Variants in TCF4 observed in about 807,000 individuals in gnomAD.
TCF4 encodes transcription factor 4.
Under a neutral mutation model 82.1 loss-of-function variants are expected in TCF4, and 3 were observed. The ratio of observed to expected loss-of-function variants is 0.04; its 90% CI spans 0.02 to 0.09. The LOEUF (loss-of-function observed/expected upper bound fraction) is 0.09, where lower values mean the gene tolerates loss of function less well. TCF4 is among the 10% of genes least tolerant of loss of function. The pLI is 1.00. For synonymous variants in TCF4, 276 were observed against 309.6 expected, an observed-to-expected ratio of 0.89 and a Z score of 1.14; for missense variants, 518 against 852.7, an observed-to-expected ratio of 0.61 and a Z score of 4.89.
chr18:55,232,567 C>T lies in TCF4; in HGVS notation c.1591G>A (p.Asp531Asn), dbSNP rs374942035. Residue 531 changes from aspartate to asparagine, a missense_variant, in exon 17 of 20, where the codon GAC becomes AAC. Transcript: ENST00000354452. ...ENLQDTKSSE[D>N]KKLDDDKKDI... ...TTCTTGTCGTCATCTAATTTCTTGTCCTCCGAAGATTTCGTGTCTTGCAGG... is the reference window on the plus strand; with the variant it reads ...TTCTTGTCGTCATCTAATTTCTTGTTCTCCGAAGATTTCGTGTCTTGCAGG... 1 of 1,614,188 alleles carries T rather than the reference C, an allele frequency of 6.2e-7. No individual in the cohort carries two copies. The highest frequency in any genetic ancestry group is 8.5e-7 in the Non-Finnish European group (1 of 1,180,036).
rs1308490955 is a variant in TCF4, at chr18:55,223,807, A to C, written c.*4228T>G. 1 of 152,234 alleles carries C rather than the reference A, an allele frequency of 6.6e-6. No individual in the cohort carries two copies. Among genetic ancestry groups the C allele is most frequent in the African/African-American group, 2.4e-5 (1 of 41,406 alleles). 9.4% of individuals were successfully genotyped at this position (152,234 alleles called of 1,614,324 possible). ...GCTGCGACCTACAACTAAAAACAAA[A>C]ACAAAAACAAAAACAAAACAAAAAA... On this transcript the variant is annotated 3_prime_UTR_variant, in exon 20 of 20. Transcript: ENST00000354452.
At chr18:55,478,152 T>G (rs1349447160) in intron 3 of TCF4, among the ~76,000 whole-genome samples, 1 of 152,186 alleles carries the variant, frequency 6.6e-6, no homozygotes, top group Non-Finnish European at 1.5e-5. Flanking sequence ...GAATAATGAT[T>G]TATCTGATGA....
intron 3 of TCF4, among the ~76,000 whole-genome samples, chr18:55,496,666 C>T (rs1261861808): frequency 6.6e-6 from 1 of 151,974 alleles, no homozygotes. Context: ...CTGCATGATG[C>T]CATAAATCTT....
intron 3 of TCF4, among the ~76,000 whole-genome samples, chr18:55,501,098 T>C (rs996744988): frequency 2.6e-5 from 4 of 152,214 alleles, no homozygotes; most frequent in African/African-American, 7.2e-5. Flanking sequence ...TTATATTTCA[T>C]TTATCCCTAG....
intron 5 of TCF4, among the ~76,000 whole-genome samples, chr18:55,444,847 T>C (rs1387059189): frequency 6.6e-6 from 1 of 152,216 alleles, no homozygotes. Flanking sequence ...CTTCTCCTCA[T>C]ATATTCTACA....
At chr18:55,418,004 T>TGC (rs1491377263) in intron 5 of TCF4, among the ~76,000 whole-genome samples, 2 of 17,936 alleles carry the variant, frequency 1.1e-4, no homozygotes, top group Non-Finnish European at 1.8e-4. Flanking sequence ...CTTGAGCAAA[T>TGC]GTGTGTGTGT....
Position 55,350,510 on chromosome 18 carries a change from T to C in TCF4, c.500-102A>G, listed in dbSNP as rs2082113438. The C allele has an allele frequency of 7.5e-6, 9 of 1,207,982 alleles. No homozygotes were observed. In the Admixed American group the frequency reaches 1.2e-4, roughly 17 times the overall value. 74.8% of individuals were successfully genotyped at this position (1,207,982 alleles called of 1,614,324 possible). ...CTAGATGATACCACATTTCCTTAAATCATTACCTTAGCAAACTGTAGTTAC... is the reference window on the plus strand; with the variant it reads ...CTAGATGATACCACATTTCCTTAAACCATTACCTTAGCAAACTGTAGTTAC... On this transcript the variant is annotated intron_variant, in intron 7 of 19. Coordinates refer to ENST00000354452, the MANE Select transcript of TCF4 (RefSeq NM_001083962.2).
At chr18:55,314,014 A>T (rs2073385343) in intron 8 of TCF4, among the ~76,000 whole-genome samples, 1 of 152,158 alleles carries the variant, frequency 6.6e-6, no homozygotes. Flanking sequence ...GTATGAAAAA[A>T]GTTGACACCA....
intron 6 of TCF4, among the ~76,000 whole-genome samples, chr18:55,381,148 G>A (rs571549085): frequency 1.1e-3 from 173 of 152,068 alleles, no homozygotes; most frequent in African/African-American, 4.1e-3. Flanking sequence ...GAAATGTCTT[G>A]GGAAATCATT....
intron 5 of TCF4, among the ~76,000 whole-genome samples, chr18:55,439,459 A>G (rs1044904572): frequency 9.9e-5 from 15 of 152,188 alleles, no homozygotes; most frequent in Admixed American, 8.5e-4. Flanking sequence ...GGTTGCTTAT[A>G]TGAGTGAGGA....
At chr18:55,256,316 G>A (rs1370375332) in intron 14 of TCF4, among the ~76,000 whole-genome samples, 1 of 152,056 alleles carries the variant, frequency 6.6e-6, no homozygotes, top group African/African-American at 2.4e-5. Context: ...TGATGAATAG[G>A]CCCCAGAGAA....
chr18:55,622,503 TAAAAA>T (rs765415861), intron 2 of TCF4, among the ~76,000 whole-genome samples: 2 of 110,570 alleles, frequency 1.8e-5, no homozygotes. Flanking sequence ...GACTCAATCT[TAAAAA>T]AAAAAAAAAA....
chr18:55,476,469 T>TTTTTTG (rs2096290988), intron 3 of TCF4, among the ~76,000 whole-genome samples: 1 of 151,930 alleles, frequency 6.6e-6, no homozygotes, highest in South Asian at 2.1e-4. Flanking sequence ...TTGTTTTTTG[T>TTTTTTG]TTTTTGTTTT....
chr18:55,390,915 G>A (rs2093028800), intron 6 of TCF4, among the ~76,000 whole-genome samples: 2 of 152,170 alleles, frequency 1.3e-5, no homozygotes. Flanking sequence ...TGGCACCCAG[G>A]ACTTGCACCC....
chr18:55,292,845 ATATTTACACAT>A (rs1329417221), intron 8 of TCF4, among the ~76,000 whole-genome samples: 3 of 152,146 alleles, frequency 2.0e-5, no homozygotes, highest in African/African-American at 7.2e-5. Context: ...TTATACGTCT[ATATTTACACAT>A]TATTTACACA....
chr18:55,468,885 C>A (rs865983131), intron 3 of TCF4, among the ~76,000 whole-genome samples: 4 of 120,894 alleles, frequency 3.3e-5, no homozygotes, highest in Non-Finnish European at 7.3e-5. Context: ...GTTCTCGCCC[C>A]CCCCCCCCTT....
chr18:55,391,212 T>C (rs1338224130), intron 6 of TCF4, among the ~76,000 whole-genome samples: 1 of 152,150 alleles, frequency 6.6e-6, no homozygotes, highest in African/African-American at 2.4e-5. Context: ...CAATTCACAG[T>C]TCAAATGTAA....
intron 5 of TCF4, among the ~76,000 whole-genome samples, chr18:55,458,808 T>C (rs961772849): frequency 2.0e-5 from 3 of 152,212 alleles, no homozygotes; most frequent in African/African-American, 7.2e-5. Flanking sequence ...AGGTATTTCA[T>C]ACTTGTTTCA....
intron 15 of TCF4, among the ~76,000 whole-genome samples, chr18:55,246,927 G>A (rs1178215542): frequency 6.6e-6 from 1 of 152,144 alleles, no homozygotes; most frequent in East Asian, 1.9e-4. Flanking sequence ...GTGAAATTCT[G>A]TAACAGGGTA....
Sources: allele counts gnomAD v4.1 joint callset (sites outside exome capture counted in the v4.1 genomes callset), GRCh38; gene constraint gnomAD v4.1.1; transcripts MANE v1.5; gene names NCBI Gene and HGNC (gene_info 2026-07-23, HGNC 2026-07-21).